WNT5B: variants seen among roughly 807,000 people sequenced by gnomAD.
The protein encoded by WNT5B is protein Wnt-5b.
Under a neutral mutation model 36.5 loss-of-function variants are expected in WNT5B, and 18 were observed. The observed-to-expected ratio is 0.49, with a 90% CI of 0.34 to 0.73. The LOEUF (loss-of-function observed/expected upper bound fraction) is 0.73, where lower values mean the gene tolerates loss of function less well. WNT5B is among the 30% of genes least tolerant of loss of function. The pLI is 0.01. For synonymous variants in WNT5B, 213 were observed against 212.3 expected (o/e 1.00, Z -0.03); for missense variants, 424 against 508.4 (o/e 0.83, Z 1.60).
chr12:1,639,608 C>A (rs1450369478), intron 3 of WNT5B, 76 bp from the exon 4 acceptor site: 2 of 1,418,284 alleles, frequency 1.4e-6, no homozygotes, highest in South Asian at 1.5e-5. Context: ...GCGGGTCCGT[C>A]GGGGGAGACG....
intron 3 of WNT5B, among the ~76,000 whole-genome samples, chr12:1,637,792 T>TA (rs2094564961): frequency 6.6e-6 from 1 of 152,100 alleles, no homozygotes; most frequent in African/African-American, 2.4e-5. Context: ...TATAGTCTAT[T>TA]AAGTGTGTAA....
At chr12:1,636,517 A>G (rs1373832771) in intron 3 of WNT5B, among the ~76,000 whole-genome samples, 1 of 65,698 alleles carries the variant, frequency 1.5e-5, no homozygotes, top group Non-Finnish European at 2.5e-5. Context: ...ATATATATAT[A>G]TATATATATA....
intron 1 of WNT5B, among the ~76,000 whole-genome samples, chr12:1,619,212 C>T (rs2094530684): frequency 1.4e-5 from 2 of 143,182 alleles, no homozygotes. Context: ...GGAGATGAGG[C>T]TTCCCAAAGG....
intron 3 of WNT5B, among the ~76,000 whole-genome samples, chr12:1,639,202 G>A (rs7960868): frequency 0.64 from 94,625 of 147,222 alleles, 31,256 homozygotes; most frequent in East Asian, 0.74. Flanking sequence ...CAGTGGCGCG[G>A]TCTCAGCTCC....
rs1264424200 is a variant in WNT5B at position 1,632,812 on chromosome 12, G to A, written c.235G>A (p.Gly79Ser). ...MAYIGEGAKT[G>S]IKECQHQFRQ... The stretch of plus-strand genomic sequence containing the variant: ...CTACATAGGGGAGGGAGCCAAGACT[G>A]GCATCAAGGAATGCCAGCACCAGTT... Residue 79 changes from glycine to serine, a missense_variant, in exon 3 of 5, where the codon GGC (glycine) becomes AGC (serine). Physicochemically the swap from Gly to Ser is moderately conservative, Grantham distance 56. Coordinates refer to ENST00000397196, the MANE Select transcript of WNT5B (RefSeq NM_032642.3). This position sits in a 1 kb window ranked among gnomAD's most constrained non-coding sequence, Gnocchi z 5.8. 6.2e-7 allele frequency: 1 copy of A among 1,614,064 alleles called. No individual in the cohort carries two copies. Among genetic ancestry groups the A allele is most frequent in the Non-Finnish European group, 8.5e-7 (1 of 1,180,030 alleles).
intron 4 of WNT5B, 97 bp downstream of exon 4, chr12:1,640,073 T>A: frequency 7.1e-7 from 1 of 1,398,854 alleles, no homozygotes; most frequent in Non-Finnish European, 9.6e-7. Context: ...AGGAAACGGG[T>A]TAGTCTGACC....
chr12:1,631,856 GCTTT>G (rs995651226), intron 2 of WNT5B, among the ~76,000 whole-genome samples: 3 of 152,146 alleles, frequency 2.0e-5, no homozygotes, highest in African/African-American at 7.2e-5. Flanking sequence ...TGGGTGGCTG[GCTTT>G]CTTCTTATGT....
upstream of WNT5B, among the ~76,000 whole-genome samples, chr12:1,627,309 A>AGATGT (rs1377612855): frequency 6.6e-6 from 1 of 152,172 alleles, no homozygotes; most frequent in Non-Finnish European, 1.5e-5. This position sits in a 1 kb window ranked among gnomAD's most constrained non-coding sequence, Gnocchi z 5.0. Context: ...GGAGAGGGGC[A>AGATGT]GATGTGGGAG....
At chr12:1,645,708 G>A (rs1430309395) in intron 4 of WNT5B, 86 bp from the exon 5 acceptor site, 1 of 1,312,832 alleles carries the variant, frequency 7.6e-7, no homozygotes, top group Non-Finnish European at 1.0e-6. Context: ...CCCCTCCTGT[G>A]TACTAGGCCT....
chr12:1,640,749 A>G (rs1364619178), intron 4 of WNT5B, among the ~76,000 whole-genome samples: 1 of 152,182 alleles, frequency 6.6e-6, no homozygotes, highest in African/African-American at 2.4e-5. Flanking sequence ...CCCCCCTCTG[A>G]GCACACATCC....
Position 1,622,179 on chromosome 12 carries a change from C to T in WNT5B, c.-58+5036C>T, listed in dbSNP as rs1402072843. 2.0e-5 allele frequency among the ~76,000 whole-genome samples: 3 copies of T among 146,532 alleles called. 1 individual carries two copies. In the East Asian group the frequency reaches 6.1e-4, roughly 30 times the overall value. ...AGGCTGGAGTGCAGTGGCGTGATCTCGGCTCACTGCAAGCTCCGCTTCCCG... is the reference window on the plus strand; with the variant it reads ...AGGCTGGAGTGCAGTGGCGTGATCTTGGCTCACTGCAAGCTCCGCTTCCCG... On this transcript the variant is annotated intron_variant, in intron 1 of 4. Coordinates refer to the WNT5B transcript ENST00000310594.
At chr12:1,626,603 C>T (rs191438223), upstream of WNT5B, among the ~76,000 whole-genome samples, 33 of 140,296 alleles carry the variant, frequency 2.4e-4, 1 homozygote, top group Middle Eastern at 4.5e-3. Context: ...CTCACTCTAT[C>T]GCCCAGGCTG....
At chr12:1,634,753 T>A (rs2094557435) in intron 3 of WNT5B, among the ~76,000 whole-genome samples, 1 of 152,090 alleles carries the variant, frequency 6.6e-6, no homozygotes, top group Non-Finnish European at 1.5e-5. Flanking sequence ...GCTTCCTTTC[T>A]CCTTTGAAGC....
At position 1,630,132 on chromosome 12, in the gene WNT5B, C is replaced by T. The variant is rs980675747; in HGVS notation, c.-58+761C>T. The T allele has an allele frequency of 2.0e-6, 2 of 985,430 alleles. No individual in the cohort carries two copies. The highest frequency in any genetic ancestry group is 2.3e-4 in the East Asian group (2 of 8,816). The allele number at this position is 985,430 out of a possible 1,614,324, so 61.0% of individuals were successfully genotyped here. ...ACAAAAATACTTCCCGGGCTGATGACCCGAAGCACCCGCCGCCCCCTCCCG... is the reference window on the plus strand; with the variant it reads ...ACAAAAATACTTCCCGGGCTGATGATCCGAAGCACCCGCCGCCCCCTCCCG... On this transcript the variant is annotated intron_variant, in intron 1 of 4. Coordinates refer to ENST00000397196, the MANE Select transcript of WNT5B (RefSeq NM_032642.3). This position sits in a 1 kb window ranked among gnomAD's most constrained non-coding sequence, Gnocchi z 5.3.
At position 1,632,216 on chromosome 12, in the gene WNT5B, C is replaced by G. The variant is rs1347420496; in HGVS notation, c.81-442C>G. Among the ~76,000 whole-genome samples the G allele has an allele frequency of 6.6e-6, 1 of 152,212 alleles. No individual in the cohort carries two copies. The highest frequency in any genetic ancestry group is 1.5e-5 in the Non-Finnish European group (1 of 68,038). ...TTGGGCTGCACTGAACTAGTCACTC[C>G]TACTCATTGAATGAGGCCTGTGCTC... On this transcript the variant is annotated intron_variant, in intron 2 of 4. Coordinates refer to ENST00000397196, the MANE Select transcript of WNT5B (RefSeq NM_032642.3). This position sits in a 1 kb window ranked among gnomAD's most constrained non-coding sequence, Gnocchi z 5.8.
rs551944178 is a variant in WNT5B, at chr12:1,639,865, C to A, written c.510C>A (p.Arg170=). Reference sequence around the variant, plus strand: ...GGGACAACGTGGAGTACGGCTACCGCTTCGCCAAGGAGTTTGTGGATGCCC... The same window carrying A: ...GGGACAACGTGGAGTACGGCTACCGATTCGCCAAGGAGTTTGTGGATGCCC... ...GCGDNVEYGY[R]FAKEFVDARE... is the part of the protein sequence containing the mutation. The change falls in exon 4 of 5, where the codon CGC becomes CGA. Residue 170 remains arginine (R), a synonymous_variant. Coordinates refer to ENST00000397196, the MANE Select transcript of WNT5B (RefSeq NM_032642.3). 2 of 1,613,984 alleles carry A rather than the reference C, an allele frequency of 1.2e-6. No homozygotes were observed. The highest frequency in any genetic ancestry group is 2.2e-5 in the South Asian group (2 of 91,082).
chr12:1,628,327 TA>T (rs1422002358), upstream of WNT5B, among the ~76,000 whole-genome samples: 2 of 152,144 alleles, frequency 1.3e-5, no homozygotes, highest in East Asian at 3.9e-4. Context: ...GGCTAATTTT[TA>T]TACTTTTTTA....
At position 1,617,763 on chromosome 12, in the gene WNT5B, T is replaced by C. The variant is rs190441185; in HGVS notation, c.-58+620T>C. 3.6e-4 allele frequency among the ~76,000 whole-genome samples: 55 copies of C among 151,700 alleles called. No individual in the cohort carries two copies. In the Middle Eastern group the frequency reaches 0.017, roughly 47 times the overall value. ...CCAGGAGAAAGACAGCAGAGAGCAG[T>C]GGGGATTTGGGAAAGTTAGAGAACC... On this transcript the variant is annotated intron_variant, in intron 1 of 4. Transcript: ENST00000310594.
chr12:1,631,493 G>T, intron 2 of WNT5B, 59 bp downstream of exon 2: 2 of 1,611,622 alleles, frequency 1.2e-6, no homozygotes, highest in Non-Finnish European at 1.7e-6. Flanking sequence ...CAGCGACTGA[G>T]ATGAGGAGGA....
Sources: allele counts gnomAD v4.1 joint callset (sites outside exome capture counted in the v4.1 genomes callset), GRCh38; gene constraint gnomAD v4.1.1; non-coding constraint Gnocchi (gnomAD v3.1); transcripts MANE v1.5; gene names NCBI Gene and HGNC (gene_info 2026-07-23, HGNC 2026-07-21).